The following DST variants were observed in gnomAD, a reference collection of about 807,000 sequenced individuals.
DST encodes dystonin, also known as bullous pemphigoid antigen.
A neutral mutation model predicts 875.2 loss-of-function variants in DST; 253 were observed. The observed-to-expected ratio is 0.29, with a 90% CI of 0.26 to 0.32. The LOEUF is 0.32. Among genes scored for constraint, DST ranks in the 10% least tolerant of loss-of-function variants. The pLI is 1.00. For synonymous variants in DST, 3,124 were observed against 3,197.1 expected, an observed-to-expected ratio of 0.98 and a Z score of 0.77; for missense variants, 8,287 against 9,111.6, an observed-to-expected ratio of 0.91 and a Z score of 3.68.
At chr6:56,673,985 C>T (rs551266237) in intron 9 of DST, among the ~76,000 whole-genome samples, 26 of 152,262 alleles carry the variant, frequency 1.7e-4, no homozygotes, top group African/African-American at 6.3e-4. Flanking sequence ...TGATACTATG[C>T]AACCAAAATT....
chr6:56,531,532 A>T (rs928292653), intron 64 of DST, among the ~76,000 whole-genome samples: 12 of 152,276 alleles, frequency 7.9e-5, no homozygotes, highest in African/African-American at 2.9e-4. Context: ...GCTATAATTA[A>T]TTATACTCTG....
chr6:56,940,605 A>G (rs993881268), intron 2 of DST, among the ~76,000 whole-genome samples: 13 of 151,838 alleles, frequency 8.6e-5, no homozygotes, highest in Non-Finnish European at 1.6e-4. Context: ...ATTTTGAGAC[A>G]GGGTCTTGCT....
At chr6:56,689,312 G>C (rs1018738188) in intron 9 of DST, among the ~76,000 whole-genome samples, 4 of 152,192 alleles carry the variant, frequency 2.6e-5, no homozygotes, top group African/African-American at 9.7e-5. Flanking sequence ...TCATGCAGCT[G>C]TCTGGTGGCA....
At chr6:56,660,930 A>T (rs2099037493) in intron 10 of DST, among the ~76,000 whole-genome samples, 1 of 151,214 alleles carries the variant, frequency 6.6e-6, no homozygotes, top group Non-Finnish European at 1.5e-5. Context: ...TCAAGGTTAG[A>T]GTCTAACAAA....
intron 4 of DST, among the ~76,000 whole-genome samples, chr6:56,817,861 G>A (rs2099768415): frequency 6.6e-6 from 1 of 152,146 alleles, no homozygotes; most frequent in South Asian, 2.1e-4. Flanking sequence ...AGTGGCAAAT[G>A]GGACTTTGCA....
At chr6:56,625,077 C>G (rs998852539) in intron 35 of DST, 80 bp downstream of exon 35, 1 of 1,016,334 alleles carries the variant, frequency 9.8e-7, no homozygotes, top group Non-Finnish European at 1.6e-6. Context: ...GTATATTTTA[C>G]CACAACAAAA....
At chr6:56,545,118 T>G (rs1174826418) in intron 61 of DST, among the ~76,000 whole-genome samples, 1 of 152,054 alleles carries the variant, frequency 6.6e-6, no homozygotes, top group Non-Finnish European at 1.5e-5. Flanking sequence ...GCTCATGTGA[T>G]CCTCCTGTCT....
chr6:56,845,511 T>C lies in DST; in HGVS notation c.625+5886A>G, dbSNP rs529310218. 2.0e-5 allele frequency among the ~76,000 whole-genome samples: 3 copies of C among 152,380 alleles called. No individual in the cohort carries two copies. In the South Asian group the frequency reaches 6.2e-4, roughly 32 times the overall value. Reference sequence around the variant, plus strand: ...GGTTTATAATCTGAGTTTGAACCACTGTCCCAGTAAGTCTTTAAGGTTACT... The same window carrying C: ...GGTTTATAATCTGAGTTTGAACCACCGTCCCAGTAAGTCTTTAAGGTTACT... On this transcript the variant is annotated intron_variant, in intron 4 of 103. Transcript: ENST00000680361.
chr6:56,717,535 T>A (rs2099399642), intron 5 of DST, among the ~76,000 whole-genome samples: 2 of 152,178 alleles, frequency 1.3e-5, no homozygotes, highest in African/African-American at 4.8e-5. Flanking sequence ...CATAAATGGT[T>A]ACCCATCATT....
chr6:56,900,305 G>C (rs572673322), intron 3 of DST, 116 bp downstream of exon 3: 1 of 864,848 alleles, frequency 1.2e-6, no homozygotes, highest in African/African-American at 1.8e-5. Context: ...CACTTGTTGG[G>C]AATAACAACA....
Position 56,492,865 on chromosome 6 carries a change from A to C in DST, c.20550+69T>G, listed in dbSNP as rs1041305277. On this transcript the variant is annotated intron_variant, in intron 84 of 103. Transcript: ENST00000680361. Reference sequence around the variant, plus strand: ...CCTGGACGACAGAGGAGTGAGACTCAGTCTCAAAAAAAAAAAAAAAAGCCT... The same window carrying C: ...CCTGGACGACAGAGGAGTGAGACTCCGTCTCAAAAAAAAAAAAAAAAGCCT... The C allele has an allele frequency of 5.9e-4, 731 of 1,231,462 alleles. 1 individual carries two copies. Among genetic ancestry groups the C allele is most frequent in the Non-Finnish European group, 7.5e-4 (689 of 921,650 alleles). 76.3% of individuals were successfully genotyped at this position (1,231,462 alleles called of 1,614,324 possible). A position where few individuals can be genotyped will look rare whatever the true frequency, so the allele number is the denominator to read the frequency against.
At chr6:56,575,292 T>C (rs1303955114) in intron 50 of DST, among the ~76,000 whole-genome samples, 1 of 152,180 alleles carries the variant, frequency 6.6e-6, no homozygotes, top group East Asian at 1.9e-4. Context: ...TTCGATCATA[T>C]GCCAAACCTC....
chr6:56,770,569 G>A (rs909451660), intron 4 of DST, among the ~76,000 whole-genome samples: 54 of 152,140 alleles, frequency 3.5e-4, no homozygotes, highest in African/African-American at 1.3e-3. Context: ...TAAACTAAAA[G>A]TTGGCATCCT....
intron 4 of DST, among the ~76,000 whole-genome samples, chr6:56,822,488 G>C (rs139938697): frequency 6.6e-6 from 1 of 152,340 alleles, no homozygotes; most frequent in Non-Finnish European, 1.5e-5. Flanking sequence ...CCAGAGATCT[G>C]CAAGGGGTTG....
At chr6:56,560,908 A>G (rs184394398) in intron 57 of DST, among the ~76,000 whole-genome samples, 2 of 152,312 alleles carry the variant, frequency 1.3e-5, no homozygotes, top group Admixed American at 6.5e-5. Context: ...CAACCTTGGC[A>G]GCTGTAGAAA....
At chr6:56,585,380 G>A (rs192481991) in intron 49 of DST, among the ~76,000 whole-genome samples, 8,919 of 151,972 alleles carry the variant, frequency 0.059, 782 homozygotes, top group African/African-American at 0.2. Flanking sequence ...GTGTATTTGC[G>A]TAGAGGTGTT....
chr6:56,553,749 G>C, intron 60 of DST, 94 bp from the exon 61 acceptor site: 1 of 1,223,396 alleles, frequency 8.2e-7, no homozygotes, highest in Non-Finnish European at 1.1e-6. Context: ...TGAATATATA[G>C]AATTGTTGAA....
At position 56,616,067 on chromosome 6, in the gene DST, C is replaced by T. The variant is rs200851382; in HGVS notation, c.4930-1583G>A. ...AGTAATCCGATCAACCAAATTTCTACGGGAGGCTTTTAGTACAGAGATCCT... is the reference window on the plus strand; with the variant it reads ...AGTAATCCGATCAACCAAATTTCTATGGGAGGCTTTTAGTACAGAGATCCT... On this transcript the variant is annotated intron_variant, in intron 36 of 103. Transcript: ENST00000680361. 2.3e-4 allele frequency: 373 copies of T among 1,614,048 alleles called. 1 individual carries two copies. Among genetic ancestry groups the T allele is most frequent in the Non-Finnish European group, 2.8e-4 (333 of 1,180,018 alleles).
intron 15 of DST, among the ~76,000 whole-genome samples, chr6:56,643,419 G>T (rs936888675): frequency 4.6e-5 from 7 of 152,152 alleles, no homozygotes; most frequent in Admixed American, 4.6e-4. Flanking sequence ...TTCTTTATAT[G>T]ACACGCTCCC....
Sources: gnomAD v4.1 joint callset for allele counts (sites outside exome capture counted in the v4.1 genomes callset) on GRCh38, gnomAD v4.1.1 for gene constraint, MANE v1.5 for transcripts, NCBI Gene and HGNC (gene_info 2026-07-23, HGNC 2026-07-21) for gene names.